The following FAM47E variants were observed in gnomAD, a reference collection of about 807,000 sequenced individuals.
The protein encoded by FAM47E is family with sequence similarity 47 member E.
A neutral mutation model predicts 41.6 loss-of-function variants in FAM47E; 32 were observed. The observed-to-expected ratio is 0.77, with a 90% CI of 0.58 to 1.03. The LOEUF (loss-of-function observed/expected upper bound fraction) is 1.03, where lower values mean the gene tolerates loss of function less well. FAM47E is among the 50% of genes least tolerant of loss of function. FAM47E has a pLI of 0.00. For missense variants in FAM47E, 424 were observed against 485.4 expected (o/e 0.87, Z 1.19); for synonymous variants, 184 against 188.7 (o/e 0.98, Z 0.20).
intron 2 of FAM47E, among the ~76,000 whole-genome samples, chr4:76,237,211 C>A (rs1459618102): frequency 1.3e-5 from 2 of 151,880 alleles, no homozygotes; most frequent in Non-Finnish European, 2.9e-5. Flanking sequence ...TGTTTCTTAT[C>A]AGATTTAAAG....
intron 4 of FAM47E, 177 bp downstream of exon 4, chr4:76,268,945 A>G (rs369144909): frequency 1.7e-4 from 118 of 705,824 alleles, no homozygotes; most frequent in African/African-American, 2.6e-4. Flanking sequence ...TCTATTATGT[A>G]TAAATAGAAA....
chr4:76,227,341 A>G (rs917131683), intron 2 of FAM47E, among the ~76,000 whole-genome samples: 2 of 152,140 alleles, frequency 1.3e-5, no homozygotes, highest in African/African-American at 4.8e-5. Context: ...CATTATTTGT[A>G]CAGTTTTGAG....
In FAM47E at chr4:76,268,693, A is replaced by T; in HGVS notation, c.594A>T (p.Gln198His). 1 of 1,551,464 alleles carries T rather than the reference A, an allele frequency of 6.4e-7. No individual in the cohort carries two copies. Among genetic ancestry groups the T allele is most frequent in the Non-Finnish European group, 8.7e-7 (1 of 1,146,908 alleles). Residue 198 changes from glutamine to histidine, a missense_variant, in exon 4 of 8, where the codon CAA (glutamine) becomes CAT (histidine). By Grantham distance (24) the Gln-to-His change is conservative. Transcript: ENST00000424749. The stretch of plus-strand genomic sequence containing the variant: ...AGACGTCTGTGTCAAACGCAGGCCA[A>T]TGGCTTTATGAAGAAAAGCCACATA... ...SKKTSVSNAG[Q>H]WLYEEKPHKM...
At chr4:76,231,105 C>G (rs1733486161) in intron 2 of FAM47E, among the ~76,000 whole-genome samples, 1 of 151,770 alleles carries the variant, frequency 6.6e-6, no homozygotes, top group Non-Finnish European at 1.5e-5. Context: ...AACCGTAGAA[C>G]TGAGTCCTCC....
At chr4:76,261,518 G>A (rs773298644) in intron 2 of FAM47E, among the ~76,000 whole-genome samples, 2 of 152,274 alleles carry the variant, frequency 1.3e-5, no homozygotes, top group African/African-American at 2.4e-5. Flanking sequence ...CATGTCTATC[G>A]TAGCGACATG....
At chr4:76,280,409 A>T (rs898563499) in intron 7 of FAM47E, 68 bp downstream of exon 7, 4 of 932,968 alleles carry the variant, frequency 4.3e-6, no homozygotes, top group Non-Finnish European at 6.6e-6. Context: ...TGACGGGAAG[A>T]GGTTATGACC....
intron 7 of FAM47E, chr4:76,280,557 C>G: frequency 2.3e-6 from 1 of 443,720 alleles, no homozygotes; most frequent in Non-Finnish European, 4.0e-6. Context: ...TTGGTTTCTG[C>G]TACTATCAGA....
intron 1 of FAM47E, among the ~76,000 whole-genome samples, chr4:76,255,565 A>G (rs190511107): frequency 1.3e-5 from 2 of 152,304 alleles, no homozygotes; most frequent in African/African-American, 4.8e-5. Flanking sequence ...AGCCAACGCC[A>G]TTCAGCTAGT....
intron 2 of FAM47E, among the ~76,000 whole-genome samples, chr4:76,243,129 G>A (rs1010068360): frequency 4.6e-5 from 7 of 152,226 alleles, no homozygotes; most frequent in Non-Finnish European, 8.8e-5. Context: ...TCTGGGAAGA[G>A]GGTCCTCACC....
At chr4:76,274,332 G>A (rs1735011007) in intron 5 of FAM47E, among the ~76,000 whole-genome samples, 1 of 152,214 alleles carries the variant, frequency 6.6e-6, no homozygotes, top group Non-Finnish European at 1.5e-5. Context: ...AGCATTTGGG[G>A]AGGCCAAGGC....
intron 1 of FAM47E, 127 bp downstream of exon 1, chr4:76,251,947 C>T (rs1260864956): frequency 2.5e-6 from 3 of 1,217,478 alleles, no homozygotes; most frequent in Non-Finnish European, 3.2e-6. Context: ...TCAATGCTTC[C>T]TGTACGTACA....
chr4:76,220,346 G>T (rs888175524), intron 2 of FAM47E, among the ~76,000 whole-genome samples: 1 of 152,190 alleles, frequency 6.6e-6, no homozygotes, highest in Non-Finnish European at 1.5e-5. Context: ...AAAGAAATAG[G>T]CTGGGTGTGG....
intron 2 of FAM47E, among the ~76,000 whole-genome samples, chr4:76,228,810 C>T (rs906850249): frequency 6.6e-6 from 1 of 152,156 alleles, no homozygotes; most frequent in African/African-American, 2.4e-5. Context: ...TGTTAGATAA[C>T]TTGATGACTA....
At chr4:76,245,552 A>C (rs990002071) in intron 2 of FAM47E, among the ~76,000 whole-genome samples, 1 of 152,168 alleles carries the variant, frequency 6.6e-6, no homozygotes, top group Non-Finnish European at 1.5e-5. Flanking sequence ...AGTGCTTTCC[A>C]CTAGCCGAAC....
chr4:76,237,249 T>A (rs1280182527), intron 2 of FAM47E, among the ~76,000 whole-genome samples: 2 of 151,988 alleles, frequency 1.3e-5, no homozygotes, highest in African/African-American at 4.8e-5. Flanking sequence ...GCTGGAAAGG[T>A]ATAATGAGGT....
At chr4:76,229,550 G>T (rs546778602) in intron 2 of FAM47E, among the ~76,000 whole-genome samples, 1 of 152,310 alleles carries the variant, frequency 6.6e-6, no homozygotes, top group Non-Finnish European at 1.5e-5. Context: ...GATGTGGTAT[G>T]CTCTCCCTTT....
At chr4:76,265,100 T>C (rs1428075591) in intron 3 of FAM47E, among the ~76,000 whole-genome samples, 2 of 152,196 alleles carry the variant, frequency 1.3e-5, no homozygotes, top group Non-Finnish European at 2.9e-5. Flanking sequence ...CATTACATTA[T>C]ATATGTTTTT....
intron 2 of FAM47E, among the ~76,000 whole-genome samples, chr4:76,230,923 C>T (rs1358509383): frequency 1.3e-5 from 2 of 152,164 alleles, no homozygotes; most frequent in African/African-American, 4.8e-5. Flanking sequence ...AGGAATCAGC[C>T]ACGATCACCT....
At chr4:76,262,192 G>GA (rs1156813960) in intron 2 of FAM47E, among the ~76,000 whole-genome samples, 1 of 152,042 alleles carries the variant, frequency 6.6e-6, no homozygotes, top group African/African-American at 2.4e-5. Flanking sequence ...AATCACAGAA[G>GA]AATTTTAAAA....
Sources: allele counts gnomAD v4.1 joint callset (sites outside exome capture counted in the v4.1 genomes callset), GRCh38; gene constraint gnomAD v4.1.1; transcripts MANE v1.5; gene names NCBI Gene and HGNC (gene_info 2026-07-23, HGNC 2026-07-21).